The following JAZF1 variants were observed in gnomAD, a reference collection of about 807,000 sequenced individuals.
JAZF1 encodes JAZF zinc finger 1, also known as juxtaposed with another zinc finger protein 1.
JAZF1 carries 8 observed loss-of-function variants against 26.4 expected under a neutral mutation model. That is an observed-to-expected ratio of 0.30 (90% CI 0.18 to 0.55). JAZF1 has a LOEUF of 0.55. Among genes scored for constraint, JAZF1 ranks in the 20% least tolerant of loss-of-function variants. The probability of loss-of-function intolerance (pLI) is 0.94; values close to 1 mark genes in which losing one functional copy is unlikely to be tolerated. For synonymous variants in JAZF1, 126 were observed against 122.3 expected, an observed-to-expected ratio of 1.03 and a Z score of -0.20; for missense variants, 199 against 322.0, an observed-to-expected ratio of 0.62 and a Z score of 2.92.
At chr7:27,900,848 A>T (rs1008177152) in intron 2 of JAZF1, among the ~76,000 whole-genome samples, 1 of 152,244 alleles carries the variant, frequency 6.6e-6, no homozygotes, top group Non-Finnish European at 1.5e-5. Flanking sequence ...GGTATTTTTT[A>T]AAATTATGGA....
intron 1 of JAZF1, among the ~76,000 whole-genome samples, chr7:27,993,998 A>C (rs986177940): frequency 6.6e-6 from 1 of 152,126 alleles, no homozygotes; most frequent in Non-Finnish European, 1.5e-5. Context: ...ATTCCCACAA[A>C]CCATCTTCTA....
chr7:28,034,215 C>A (rs1783245906), intron 1 of JAZF1, among the ~76,000 whole-genome samples: 2 of 152,162 alleles, frequency 1.3e-5, no homozygotes, highest in South Asian at 4.1e-4. Context: ...CACACACACA[C>A]ACGAAGTTTA....
chr7:27,859,681 G>T (rs1018894961), intron 3 of JAZF1, among the ~76,000 whole-genome samples: 3 of 151,462 alleles, frequency 2.0e-5, no homozygotes, highest in African/African-American at 7.3e-5. Context: ...AGAACACATG[G>T]ACACAGGGAG....
At chr7:27,850,231 T>C (rs1013734638) in intron 3 of JAZF1, among the ~76,000 whole-genome samples, 2 of 152,200 alleles carry the variant, frequency 1.3e-5, no homozygotes, top group Non-Finnish European at 2.9e-5. Flanking sequence ...ACTGACCCAC[T>C]TTATAGGAGC....
At chr7:28,127,042 T>C (rs182512415) in intron 1 of JAZF1, among the ~76,000 whole-genome samples, 61 of 152,318 alleles carry the variant, frequency 4.0e-4, no homozygotes, top group Non-Finnish European at 8.1e-4. Context: ...CAATCAAGGC[T>C]CTGGGATATC....
chr7:28,090,916 T>C (rs1784286196), intron 1 of JAZF1, among the ~76,000 whole-genome samples: 2 of 150,490 alleles, frequency 1.3e-5, no homozygotes, highest in South Asian at 4.2e-4. Flanking sequence ...AAGCTCCGCT[T>C]CCCGGGTTCA....
intron 1 of JAZF1, among the ~76,000 whole-genome samples, chr7:28,159,920 AT>A (rs1275203098): frequency 3.3e-5 from 5 of 152,192 alleles, no homozygotes; most frequent in Non-Finnish European, 7.3e-5. Context: ...TAATTACGAA[AT>A]AAAGTGCTTT....
chr7:27,962,189 A>G (rs1785196732), intron 2 of JAZF1, among the ~76,000 whole-genome samples: 1 of 152,226 alleles, frequency 6.6e-6, no homozygotes, highest in East Asian at 1.9e-4. Flanking sequence ...ATATTTACCA[A>G]AAACAAGACT....
chr7:27,982,978 C>T (rs187270317), intron 2 of JAZF1, among the ~76,000 whole-genome samples: 224 of 152,320 alleles, frequency 1.5e-3, no homozygotes, highest in Non-Finnish European at 2.8e-3. Flanking sequence ...GATAAAACCA[C>T]AAAGATGGGG....
intron 1 of JAZF1, among the ~76,000 whole-genome samples, chr7:28,162,226 A>G (rs557608560): frequency 6.6e-6 from 1 of 152,214 alleles, no homozygotes; most frequent in Non-Finnish European, 1.5e-5. Context: ...CTGAGGATAC[A>G]TGCCCCAGTG....
chr7:27,872,387 G>A (rs1026283371), intron 3 of JAZF1, among the ~76,000 whole-genome samples: 3 of 152,102 alleles, frequency 2.0e-5, no homozygotes, highest in African/African-American at 4.8e-5. Context: ...ATAAAACGTC[G>A]AACAGACCCC....
chr7:28,180,626 G>A lies in JAZF1; in HGVS notation c.-49C>T, dbSNP rs1257874115. 3.4e-6 allele frequency: 5 copies of A among 1,476,060 alleles called. No homozygotes were observed. The highest frequency in any genetic ancestry group is 1.4e-5 in the African/African-American group (1 of 71,038). 91.4% of individuals were successfully genotyped at this position (1,476,060 alleles called of 1,614,324 possible). A position where few individuals can be genotyped will look rare whatever the true frequency, so the allele number is the denominator to read the frequency against. On this transcript the variant is annotated 5_prime_UTR_variant, in exon 1 of 5. Transcript: ENST00000283928. ...GGTGTCGGCTCTGCGAGCGCCGGGC[G>A]GGCGAGGGAGGGAGGGAGGCCGGGT...
intron 3 of JAZF1, among the ~76,000 whole-genome samples, chr7:27,850,326 G>C (rs1390834623): frequency 6.6e-6 from 1 of 152,202 alleles, no homozygotes; most frequent in Non-Finnish European, 1.5e-5. Flanking sequence ...GCCATGCCTG[G>C]AAAATTCTTG....
intron 1 of JAZF1, among the ~76,000 whole-genome samples, chr7:28,099,704 G>C (rs773176597): frequency 6.6e-6 from 1 of 151,984 alleles, no homozygotes; most frequent in Non-Finnish European, 1.5e-5. Context: ...TCAAACTCCC[G>C]ACCTCAGGTG....
chr7:28,036,929 C>T (rs999603321), intron 1 of JAZF1, among the ~76,000 whole-genome samples: 3 of 152,172 alleles, frequency 2.0e-5, no homozygotes, highest in Non-Finnish European at 4.4e-5. Flanking sequence ...AACAAACTCC[C>T]TCTAGGTACA....
chr7:27,972,952 T>TGTATATGTGTGTGTATATATAC (rs1562544973), intron 2 of JAZF1, among the ~76,000 whole-genome samples: 5 of 149,926 alleles, frequency 3.3e-5, no homozygotes, highest in African/African-American at 1.2e-4. Flanking sequence ...TGTGTATATA[T>TGTATATGTGTGTGTATATATAC]ACACACACAC....
intron 1 of JAZF1, among the ~76,000 whole-genome samples, chr7:28,118,492 C>G (rs1784783787): frequency 6.6e-6 from 1 of 152,006 alleles, no homozygotes; most frequent in Non-Finnish European, 1.5e-5. Flanking sequence ...CAAAGTGAGA[C>G]TCTGTCTCAA....
At chr7:28,115,030 T>A (rs1784720169) in intron 1 of JAZF1, among the ~76,000 whole-genome samples, 1 of 152,168 alleles carries the variant, frequency 6.6e-6, no homozygotes, top group East Asian at 1.9e-4. Flanking sequence ...AGAGACTATT[T>A]ACAAAGGGTC....
At chr7:28,100,262 A>G (rs1784452001) in intron 1 of JAZF1, among the ~76,000 whole-genome samples, 1 of 152,216 alleles carries the variant, frequency 6.6e-6, no homozygotes, top group African/African-American at 2.4e-5. Flanking sequence ...CCAATACATA[A>G]GAGCATTTCT....
Sources: allele counts gnomAD v4.1 joint callset (sites outside exome capture counted in the v4.1 genomes callset), GRCh38; gene constraint gnomAD v4.1.1; transcripts MANE v1.5; gene names NCBI Gene and HGNC (gene_info 2026-07-23, HGNC 2026-07-21).